FXR1: variants seen among roughly 807,000 people sequenced by gnomAD.
FXR1 encodes the protein FMR1 autosomal homolog 1.
Under a neutral mutation model 84.0 loss-of-function variants are expected in FXR1, and 15 were observed. The ratio of observed to expected loss-of-function variants is 0.18; its 90% CI spans 0.12 to 0.27. The LOEUF (loss-of-function observed/expected upper bound fraction) is 0.27. Among genes scored for constraint, FXR1 ranks in the 10% least tolerant of loss-of-function variants. The pLI, the probability that FXR1 is intolerant of heterozygous loss-of-function variation, is 1.00. For synonymous variants in FXR1, 245 were observed against 250.7 expected (o/e 0.98, Z 0.21); for missense variants, 480 against 774.4 (o/e 0.62, Z 4.51).
rs2108446237 is a variant in FXR1 at position 180,935,186 on chromosome 3, A to G, written c.153A>G (p.Pro51=). The G allele has an allele frequency of 6.3e-7, 1 of 1,580,376 alleles. No individual in the cohort carries two copies. The highest frequency in any genetic ancestry group is 2.2e-5 in the East Asian group (1 of 44,640). The part of the protein sequence containing the change: ...QVPFNEVRLP[P]PPDIKKEISE... ...CATTTAATGAAGTTAGATTACCACC[A>G]CCACCTGATATAAAAAAAGAAATTA... is the stretch of plus-strand genomic sequence containing the variant. The change falls in exon 3 of 17, where the codon CCA becomes CCG. Residue 51 remains proline, a synonymous_variant. Transcript: ENST00000357559.
At chr3:180,958,892 C>T (rs987807140) in intron 10 of FXR1, among the ~76,000 whole-genome samples, 2 of 150,628 alleles carry the variant, frequency 1.3e-5, no homozygotes, top group South Asian at 4.2e-4. Flanking sequence ...ACTGCAACCT[C>T]TGCCTCCCTC....
chr3:180,959,705 G>T (rs529781042), intron 10 of FXR1, among the ~76,000 whole-genome samples: 1 of 151,180 alleles, frequency 6.6e-6, no homozygotes, highest in South Asian at 2.1e-4. Context: ...TGAGGACAGT[G>T]TTAAGACTTC....
chr3:180,963,132 A>G (rs1328545544), intron 13 of FXR1, 42 bp downstream of exon 13: 1 of 783,596 alleles, frequency 1.3e-6, no homozygotes, highest in East Asian at 2.7e-5. Context: ...TAATAGTAAT[A>G]ATAGTAGTTA....
At chr3:180,935,621 A>G (rs939326895) in intron 3 of FXR1, among the ~76,000 whole-genome samples, 2 of 152,206 alleles carry the variant, frequency 1.3e-5, no homozygotes, top group African/African-American at 4.8e-5. Flanking sequence ...TTATTTTACT[A>G]TAGTGATCAT....
chr3:180,946,374 A>G (rs12186104), intron 3 of FXR1, among the ~76,000 whole-genome samples: 25,977 of 152,198 alleles, frequency 0.17, 2,457 homozygotes, highest in South Asian at 0.25. Flanking sequence ...GAAAAATAAG[A>G]TCACTAGATT....
chr3:180,975,222 C>T (rs758778428), intron 15 of FXR1, 91 bp from the exon 16 acceptor site: 2 of 499,238 alleles, frequency 4.0e-6, no homozygotes, highest in Non-Finnish European at 7.1e-6. Flanking sequence ...GGTGACCCAC[C>T]ACTAGTTTAA....
intron 7 of FXR1, 77 bp from the exon 8 acceptor site, chr3:180,951,221 T>TG: frequency 4.7e-6 from 4 of 846,940 alleles, no homozygotes; most frequent in Non-Finnish European, 7.7e-6. Context: ...AGACCCTGTC[T>TG]GGAAAAAAAC....
intron 9 of FXR1, among the ~76,000 whole-genome samples, chr3:180,954,624 A>G (rs1174935344): frequency 6.6e-6 from 1 of 152,140 alleles, no homozygotes; most frequent in Non-Finnish European, 1.5e-5. Flanking sequence ...TTACCTAAAC[A>G]TTTAATATAA....
chr3:180,922,188 T>G (rs900827890), intron 1 of FXR1, among the ~76,000 whole-genome samples: 1 of 152,176 alleles, frequency 6.6e-6, no homozygotes, highest in African/African-American at 2.4e-5. Context: ...ATGGGATAGC[T>G]TGGTGAAAGG....
Position 180,968,258 on chromosome 3 carries a change from G to T in FXR1, c.1402+4G>T, listed in dbSNP as rs772091623. On this transcript the variant is annotated splice_donor_region_variant and intron_variant, in intron 14 of 16. Coordinates refer to ENST00000357559, the MANE Select transcript of FXR1 (RefSeq NM_005087.4). Reference sequence around the variant, plus strand: ...GGCAAATCCTCCATCAGTTCTGGTAGTCTTTTCTATACTCTGTCAGCATCC... The same window carrying T: ...GGCAAATCCTCCATCAGTTCTGGTATTCTTTTCTATACTCTGTCAGCATCC... The T allele has an allele frequency of 1.2e-4, 186 of 1,571,666 alleles. No homozygotes were observed. Among genetic ancestry groups the T allele is most frequent in the Non-Finnish European group, 1.5e-4 (176 of 1,142,024 alleles).
chr3:180,935,896 A>T (rs1347252325), intron 3 of FXR1, among the ~76,000 whole-genome samples: 6 of 151,612 alleles, frequency 4.0e-5, no homozygotes, highest in African/African-American at 9.7e-5. Flanking sequence ...ATTTTATTTT[A>T]TTTATTTATT....
At chr3:180,946,323 T>C (rs1446481654) in intron 3 of FXR1, among the ~76,000 whole-genome samples, 1 of 152,220 alleles carries the variant, frequency 6.6e-6, no homozygotes, top group Non-Finnish European at 1.5e-5. Context: ...TGAGAATAAC[T>C]GATGAATGTT....
In FXR1 at chr3:180,976,230, A is replaced by C; in HGVS notation, c.1804A>C (p.Lys602Gln). ...SKLQRTPGEE[K>Q]INTLKEENTQ... ...GCTACAGCGTACTCCAGGAGAAGAA[A>C]AGATTAATACCTTAAAAGAAGAAAA... is the stretch of plus-strand genomic sequence containing the variant. Residue 602 changes from lysine to glutamine, a missense_variant, in exon 17 of 17, where the codon AAG becomes CAG. This residue lies in a region of FXR1 where 94 missense variants were observed against 81.8 expected (regional missense o/e 1.15). Transcript: ENST00000357559. 1.2e-6 allele frequency: 2 copies of C among 1,612,742 alleles called. No homozygotes were observed. The highest frequency in any genetic ancestry group is 1.7e-6 in the Non-Finnish European group (2 of 1,178,874).
intron 7 of FXR1, among the ~76,000 whole-genome samples, chr3:180,950,619 A>T (rs1722135239): frequency 1.3e-5 from 2 of 151,994 alleles, no homozygotes. Context: ...GCAAATCTAT[A>T]CCCTTTAGAC....
At chr3:180,944,191 G>A (rs1005269866) in intron 3 of FXR1, among the ~76,000 whole-genome samples, 5 of 152,164 alleles carry the variant, frequency 3.3e-5, no homozygotes, top group African/African-American at 1.2e-4. Context: ...GGGATTACAG[G>A]CGTGAGCCAC....
chr3:180,951,535 T>C (rs1384541936), intron 8 of FXR1, 67 bp downstream of exon 8: 2 of 1,159,022 alleles, frequency 1.7e-6, no homozygotes, highest in African/African-American at 3.1e-5. Context: ...TATATTTTTA[T>C]CTGAAATTCC....
chr3:180,941,648 T>G (rs1369857434), intron 3 of FXR1, among the ~76,000 whole-genome samples: 1 of 152,204 alleles, frequency 6.6e-6, no homozygotes. Context: ...GTCTTACTGC[T>G]TGGGAAACGC....
At position 180,915,517 on chromosome 3, in the gene FXR1, A is replaced by G. The variant is rs189964127; in HGVS notation, c.51+2781A>G. The G allele has an allele frequency of 2.0e-4, 304 of 1,487,430 alleles. No individual in the cohort carries two copies. The African/African-American group carries it at 3.8e-3, about 19-fold the overall frequency. The allele number at this position is 1,487,430 out of a possible 1,614,324, so 92.1% of individuals were successfully genotyped here. ...TTTTTTCCAATTTAGAAGATAATAC[A>G]TGGTCACTGAGGTAATTTTGGAACT... On this transcript the variant is annotated intron_variant, in intron 1 of 16. Coordinates refer to ENST00000357559, the MANE Select transcript of FXR1 (RefSeq NM_005087.4).
chr3:180,948,226 A>T lies in FXR1; in HGVS notation c.271-121A>T. 3 of 689,868 alleles carry T rather than the reference A, an allele frequency of 4.3e-6. No homozygotes were observed. The South Asian group carries it at 5.7e-5, about 13-fold the overall frequency. The allele number at this position is 689,868 out of a possible 1,614,324, so 42.7% of individuals were successfully genotyped here. A position where few individuals can be genotyped will look rare whatever the true frequency, so the allele number is the denominator to read the frequency against. ...AGATTGATGTAGCTAAGCTGTGCTT[A>T]GTATTTTATGCCACATGGGGGAGGG... is the stretch of plus-strand genomic sequence containing the variant. On this transcript the variant is annotated intron_variant, in intron 4 of 16. Transcript: ENST00000357559.
Sources: gnomAD v4.1 joint callset for allele counts (sites outside exome capture counted in the v4.1 genomes callset) on GRCh38, gnomAD v4.1.1 for gene constraint, gnomAD v4.1.1 regional missense constraint, MANE v1.5 for transcripts, NCBI Gene and HGNC (gene_info 2026-07-23, HGNC 2026-07-21) for gene names.